The following NCOR2 variants were observed in gnomAD, a reference collection of about 807,000 sequenced individuals.
NCOR2 encodes nuclear receptor corepressor 2.
In NCOR2, 81 loss-of-function variants were observed where a neutral mutation model predicts 262.9. That is an observed-to-expected ratio of 0.31 (90% CI 0.26 to 0.37). The LOEUF (loss-of-function observed/expected upper bound fraction) is 0.37. NCOR2 is among the 10% of genes least tolerant of loss of function. The pLI, the probability that NCOR2 is intolerant of heterozygous loss-of-function variation, is 1.00. For missense variants in NCOR2, 3,385 were observed against 3,621.4 expected (o/e 0.93, Z 1.68); for synonymous variants, 1,659 against 1,559.3 (o/e 1.06, Z -1.51).
At chr12:124,449,706 G>T in intron 7 of NCOR2, 109 bp downstream of exon 9, 1 of 1,343,136 alleles carries the variant, frequency 7.4e-7, no homozygotes, top group Non-Finnish European at 1.0e-6. Flanking sequence ...CTGGCCGGGA[G>T]CCCCTGATGG....
chr12:124,369,396 A>G (rs1212480321), intron 20 of NCOR2, among the ~76,000 whole-genome samples: 1 of 152,036 alleles, frequency 6.6e-6, no homozygotes, highest in Admixed American at 6.5e-5. Flanking sequence ...CCAGGAACAC[A>G]GAGCTCCCCC....
chr12:124,333,110 G>C lies in NCOR2; in HGVS notation c.6755+20C>G. 1 of 1,585,060 alleles carries C rather than the reference G, an allele frequency of 6.3e-7. No homozygotes were observed. The highest frequency in any genetic ancestry group is 8.6e-7 in the Non-Finnish European group (1 of 1,163,642). On this transcript the variant is annotated intron_variant, in intron 42 of 46. Coordinates refer to ENST00000405201, the Ensembl canonical transcript of NCOR2. The stretch of plus-strand genomic sequence containing the variant: ...GATACCAGAGCATCCCGGGGGCAGC[G>C]CATGTGCCCACAGAAGTACCTGGGC...
Position 124,432,143 on chromosome 12 carries a change from G to A in NCOR2, c.883-1356C>T, listed in dbSNP as rs538593240. On this transcript the variant is annotated intron_variant, in intron 8 of 46. Coordinates refer to ENST00000405201, the Ensembl canonical transcript of NCOR2. The surrounding 1 kb of genome is among the most constrained non-coding windows in gnomAD (Gnocchi z 5.1). ...ACAGACACACACACAGTCGCAGGCA[G>A]ACAAACAGATGCACACACAGGGTCT... is the stretch of plus-strand genomic sequence containing the variant. 7.2e-5 allele frequency among the ~76,000 whole-genome samples: 11 copies of A among 151,950 alleles called. No homozygotes were observed. Among genetic ancestry groups the A allele is most frequent in the African/African-American group, 2.7e-4 (11 of 41,430 alleles).
exon 29 of NCOR2, chr12:124,348,227 T>C (rs2037110840): frequency 1.9e-6 from 3 of 1,613,060 alleles, no homozygotes; most frequent in Non-Finnish European, 2.5e-6. Context: ...CATCATGTCA[T>C]AGGTGCGCTT....
rs192322472 is a variant in NCOR2, at chr12:124,434,657, G to C, written c.882+3273C>G. 5.3e-3 allele frequency among the ~76,000 whole-genome samples: 800 copies of C among 152,268 alleles called. 8 individuals carry two copies. Among genetic ancestry groups the C allele is most frequent in the African/African-American group, 0.018 (767 of 41,546 alleles). On this transcript the variant is annotated intron_variant, in intron 8 of 46. Coordinates refer to ENST00000405201, the Ensembl canonical transcript of NCOR2. ...CCCGAGAGGAGCCTTCACCCCAAGG[G>C]GGGAACCATGGGGGGCTGTCAAGGA...
At position 124,389,801 on chromosome 12, in the gene NCOR2, G is replaced by A. The variant is rs562143367; in HGVS notation, c.1877-3914C>T. Among the ~76,000 whole-genome samples the A allele has an allele frequency of 2.6e-5, 4 of 152,218 alleles. No individual in the cohort carries two copies. Among genetic ancestry groups the A allele is most frequent in the Admixed American group, 2.6e-4 (4 of 15,284 alleles). On this transcript the variant is annotated intron_variant, in intron 16 of 46. Coordinates refer to ENST00000405201, the Ensembl canonical transcript of NCOR2. The surrounding 1 kb of genome is among the most constrained non-coding windows in gnomAD (Gnocchi z 4.4). ...TCCCCAAAGAGCCCTCTGCTGCTGG[G>A]GGGGTCTCGGGACCACAGCTGCCCC...
In NCOR2 at chr12:124,422,564, C is replaced by G. The variant is rs765136528; in HGVS notation, c.1329-9G>C. On this transcript the variant is annotated splice_polypyrimidine_tract_variant and intron_variant, in intron 11 of 46. Transcript: ENST00000405201. ...TGGGATGCTGCATGAACCTGCGGGA[C>G]GAGAAGGGTGGGCGTGAGACCTGGC... is the stretch of plus-strand genomic sequence containing the variant. 1.4e-5 allele frequency: 23 copies of G among 1,613,804 alleles called. No individual in the cohort carries two copies. The highest frequency in any genetic ancestry group is 1.8e-5 in the Non-Finnish European group (21 of 1,179,962).
At position 124,556,327 on chromosome 12, in the gene NCOR2, A is replaced by T. The variant is rs1376869939; in HGVS notation, c.-165+10981T>A. On this transcript the variant is annotated intron_variant, in intron 1 of 32. Coordinates refer to the NCOR2 transcript ENST00000458234. ...GACTCCCAACGGGCACCAGGGCACG[A>T]GGCAAGGCCATGCCCAGCCAGAGCC... is the stretch of plus-strand genomic sequence containing the variant. The T allele has an allele frequency of 2.0e-5, 3 of 152,420 alleles. No homozygotes were observed. The East Asian group carries it at 5.8e-4, about 29-fold the overall frequency. 9.4% of individuals were successfully genotyped at this position (152,420 alleles called of 1,614,324 possible).
chr12:124,443,309 C>T lies in NCOR2; in HGVS notation c.816-5313G>A, dbSNP rs2044943016. Among the ~76,000 whole-genome samples the T allele has an allele frequency of 2.0e-5, 3 of 152,090 alleles. No individual in the cohort carries two copies. Among genetic ancestry groups the T allele is most frequent in the Admixed American group, 1.3e-4 (2 of 15,254 alleles). On this transcript the variant is annotated intron_variant, in intron 7 of 46. Coordinates refer to ENST00000405201, the Ensembl canonical transcript of NCOR2. The surrounding 1 kb of genome is among the most constrained non-coding windows in gnomAD (Gnocchi z 4.4). Reference sequence around the variant, plus strand: ...GCAGCAACTGAGGGTGTGAATCCACCCTGGCTGATCCAGGTTTCCTCCCAA... The same window carrying T: ...GCAGCAACTGAGGGTGTGAATCCACTCTGGCTGATCCAGGTTTCCTCCCAA...
At chr12:124,464,749 T>C (rs2046338384) in intron 5 of NCOR2, among the ~76,000 whole-genome samples, 2 of 152,146 alleles carry the variant, frequency 1.3e-5, no homozygotes, top group African/African-American at 4.8e-5. Context: ...TCGTTGTCAT[T>C]GTTTTAAAGC....
At chr12:124,326,821 C>T (rs2034696172) in intron 45 of NCOR2, among the ~76,000 whole-genome samples, 1 of 151,954 alleles carries the variant, frequency 6.6e-6, no homozygotes, top group South Asian at 2.1e-4. Flanking sequence ...TTCTTGGGGC[C>T]TCAGTGTCCA....
intron 1 of NCOR2, chr12:124,514,603 T>C (rs1373126322): frequency 1.3e-5 from 2 of 152,016 alleles, no homozygotes; most frequent in Non-Finnish European, 2.9e-5. Flanking sequence ...TCCTAGCACT[T>C]TGAGAGGCCG....
Position 124,354,491 on chromosome 12 carries a change from C to T in NCOR2, c.3576G>A (p.Ala1192=), listed in dbSNP as rs533216923. ...AAGGGCCCTCACCTCTCAGCACGGACGCCTCCTGGGCTGTGGGCACCCCCA... is the reference window on the plus strand; with the variant it reads ...AAGGGCCCTCACCTCTCAGCACGGATGCCTCCTGGGCTGTGGGCACCCCCA... Residue 1192 remains alanine (A), a synonymous_variant, in exon 26 of 47, where the codon GCG becomes GCA. Coordinates refer to ENST00000405201, the Ensembl canonical transcript of NCOR2. The T allele has an allele frequency of 4.8e-5, 75 of 1,566,414 alleles. 1 individual carries two copies. In the South Asian group the frequency reaches 5.1e-4, roughly 11 times the overall value.
upstream of NCOR2, among the ~76,000 whole-genome samples, chr12:124,540,135 G>A (rs776815871): frequency 3.3e-5 from 5 of 151,544 alleles, no homozygotes; most frequent in Non-Finnish European, 7.4e-5. Context: ...AACACCCTCC[G>A]GTACACCCAT....
chr12:124,428,044 A>AGAGTGTGTGTGT (rs2043663000), intron 10 of NCOR2, among the ~76,000 whole-genome samples: 2 of 112,398 alleles, frequency 1.8e-5, no homozygotes, highest in Non-Finnish European at 3.9e-5. Context: ...CCATGTGGCC[A>AGAGTGTGTGTGT]GTGTGTGTGT....
At chr12:124,522,097 T>C (rs1286118352) in intron 1 of NCOR2, among the ~76,000 whole-genome samples, 1 of 152,212 alleles carries the variant, frequency 6.6e-6, no homozygotes, top group African/African-American at 2.4e-5. Flanking sequence ...TCCTGAAAGC[T>C]GGGTCCAACT....
rs539331885 is a variant in NCOR2 at position 124,522,321 on chromosome 12, T to C, written c.-118+13244A>G. The stretch of plus-strand genomic sequence containing the variant: ...GGCTGCTATAACAAATTATTACAAA[T>C]TGGGTGGCTGAAACCAGCGACCTAT... On this transcript the variant is annotated intron_variant, in intron 1 of 46. Transcript: ENST00000404621. Among the ~76,000 whole-genome samples, 5 of 152,320 alleles carry C rather than the reference T, an allele frequency of 3.3e-5. 1 individual carries two copies. Among genetic ancestry groups the C allele is most frequent in the African/African-American group, 1.2e-4 (5 of 41,568 alleles).
upstream of NCOR2, chr12:124,539,739 T>C (rs2051232264): frequency 6.6e-6 from 1 of 151,670 alleles, no homozygotes; most frequent in Non-Finnish European, 1.5e-5. This position sits in a 1 kb window ranked among gnomAD's most constrained non-coding sequence, Gnocchi z 5.1. Context: ...CAAGCCCACC[T>C]CCTGGCGTTG....
intron 44 of NCOR2, among the ~76,000 whole-genome samples, chr12:124,329,747 G>C (rs1354122208): frequency 6.6e-6 from 1 of 152,088 alleles, no homozygotes; most frequent in Non-Finnish European, 1.5e-5. Flanking sequence ...GTCTTAAAAA[G>C]ATAAATACAA....
Sources: allele counts gnomAD v4.1 joint callset (sites outside exome capture counted in the v4.1 genomes callset), GRCh38; gene constraint gnomAD v4.1.1; non-coding constraint Gnocchi (gnomAD v3.1); transcripts MANE v1.5; gene names NCBI Gene and HGNC (gene_info 2026-07-23, HGNC 2026-07-21).